The following SPRR2G variants were observed in gnomAD, a reference collection of about 807,000 sequenced individuals.
SPRR2G encodes the protein small proline-rich protein 2G.
Under a neutral mutation model 0.7 loss-of-function variants are expected in SPRR2G, and 1 was observed. The ratio of observed to expected loss-of-function variants is 1.49; its 90% CI spans 0.53 to 7.06. The LOEUF (loss-of-function observed/expected upper bound fraction) is 7.06, where lower values mean the gene tolerates loss of function less well. Ranked by LOEUF, SPRR2G falls within the 30% of genes most tolerant of loss-of-function variation. SPRR2G has a pLI of 0.14. For synonymous variants in SPRR2G, 38 were observed against 33.9 expected (o/e 1.12, Z -0.42); for missense variants, 96 against 88.5 (o/e 1.09, Z -0.34).
the SPRR2G span, among the ~76,000 whole-genome samples, chr1:153,175,660 T>C: frequency 6.6e-6 from 1 of 152,350 alleles, no homozygotes; most frequent in East Asian, 1.9e-4. Context: ...ACCATTATAC[T>C]TAAGTAATTA....
At chr1:153,185,410 T>C in the SPRR2G span, among the ~76,000 whole-genome samples, 1 of 151,788 alleles carries the variant, frequency 6.6e-6, no homozygotes, top group Non-Finnish European at 1.5e-5. Flanking sequence ...ATTGGTCTAC[T>C]CAGGGATTCG....
the SPRR2G span, among the ~76,000 whole-genome samples, chr1:153,201,916 C>T: frequency 1.3e-5 from 2 of 152,202 alleles, no homozygotes; most frequent in African/African-American, 4.8e-5. Context: ...AGACTTAAAC[C>T]CATATTCTTT....
chr1:153,157,126 T>C, the SPRR2G span, among the ~76,000 whole-genome samples: 1 of 152,208 alleles, frequency 6.6e-6, no homozygotes, highest in African/African-American at 2.4e-5. Flanking sequence ...AAAAATATTG[T>C]AAGGAAAACT....
the SPRR2G span, among the ~76,000 whole-genome samples, chr1:153,164,328 G>T: frequency 2.0e-5 from 3 of 152,166 alleles, no homozygotes; most frequent in Non-Finnish European, 4.4e-5. Flanking sequence ...TACAAGAAAG[G>T]TGAAAAGTGG....
chr1:153,177,907 A>C, the SPRR2G span, among the ~76,000 whole-genome samples: 1 of 151,610 alleles, frequency 6.6e-6, no homozygotes, highest in African/African-American at 2.4e-5. Context: ...TAGGATTGCA[A>C]GGAATAAATA....
chr1:153,196,557 G>C, the SPRR2G span, among the ~76,000 whole-genome samples: 15 of 152,092 alleles, frequency 9.9e-5, no homozygotes, highest in East Asian at 7.7e-4. Context: ...TGCCTCCTGT[G>C]GCAAAAGAAG....
the SPRR2G span, among the ~76,000 whole-genome samples, chr1:153,166,101 T>G: frequency 6.6e-6 from 1 of 152,202 alleles, no homozygotes; most frequent in Non-Finnish European, 1.5e-5. Flanking sequence ...GTGCCTCACA[T>G]GACACAATTC....
chr1:153,158,256 T>A, the SPRR2G span, among the ~76,000 whole-genome samples: 1 of 152,130 alleles, frequency 6.6e-6, no homozygotes, highest in Non-Finnish European at 1.5e-5. Context: ...CAAAAACAAG[T>A]TAGTTGCTTC....
the SPRR2G span, among the ~76,000 whole-genome samples, chr1:153,201,073 G>A: frequency 2.6e-5 from 4 of 152,128 alleles, no homozygotes; most frequent in Non-Finnish European, 5.9e-5. Flanking sequence ...GGCAAGCCGG[G>A]CTTTGACATT....
chr1:153,160,841 CA>C, the SPRR2G span, among the ~76,000 whole-genome samples: 4 of 151,036 alleles, frequency 2.6e-5, no homozygotes, highest in East Asian at 7.7e-4. Context: ...GGAACCAACC[CA>C]AATGTCCAAC....
At chr1:153,181,306 G>C in the SPRR2G span, among the ~76,000 whole-genome samples, 2 of 151,766 alleles carry the variant, frequency 1.3e-5, no homozygotes, top group Non-Finnish European at 2.9e-5. Context: ...CATATTTATG[G>C]GGTACATGTG....
the SPRR2G span, among the ~76,000 whole-genome samples, chr1:153,169,961 A>C: frequency 6.6e-6 from 1 of 152,224 alleles, no homozygotes; most frequent in Non-Finnish European, 1.5e-5. Context: ...TCTCCTTTCC[A>C]AATATATGAA....
At chr1:153,195,597 C>A in the SPRR2G span, among the ~76,000 whole-genome samples, 1 of 152,102 alleles carries the variant, frequency 6.6e-6, no homozygotes, top group Non-Finnish European at 1.5e-5. Context: ...CAAGGATGAT[C>A]GAAATTCTAA....
chr1:153,164,624 A>G, the SPRR2G span, among the ~76,000 whole-genome samples: 4,026 of 152,116 alleles, frequency 0.026, 169 homozygotes, highest in African/African-American at 0.091. Context: ...TATATAACCT[A>G]TATACATCCT....
At chr1:153,170,586 AAG>A in the SPRR2G span, among the ~76,000 whole-genome samples, 3 of 152,190 alleles carry the variant, frequency 2.0e-5, no homozygotes, top group African/African-American at 4.8e-5. Flanking sequence ...GCAAGAGGAC[AAG>A]AGAGAGGAAA....
chr1:153,165,141 G>A, the SPRR2G span, among the ~76,000 whole-genome samples: 1 of 151,626 alleles, frequency 6.6e-6, no homozygotes, highest in South Asian at 2.1e-4. Flanking sequence ...TTTCAGGATG[G>A]GATTTAGAAA....
the SPRR2G span, among the ~76,000 whole-genome samples, chr1:153,165,599 C>T: frequency 6.6e-6 from 1 of 152,162 alleles, no homozygotes; most frequent in African/African-American, 2.4e-5. Flanking sequence ...ATGTTATCTC[C>T]TCTCCCAGAA....
At chr1:153,194,474 C>A in the SPRR2G span, among the ~76,000 whole-genome samples, 1 of 152,170 alleles carries the variant, frequency 6.6e-6, no homozygotes, top group Admixed American at 6.5e-5. Context: ...GTGTTAGCAA[C>A]TTCTTCCTTA....
At chr1:153,193,319 T>C in the SPRR2G span, among the ~76,000 whole-genome samples, 2 of 152,178 alleles carry the variant, frequency 1.3e-5, no homozygotes, top group African/African-American at 4.8e-5. Flanking sequence ...TTCAGCCATA[T>C]TTCCCCACAC....
Sources: allele counts gnomAD v4.1 joint callset (sites outside exome capture counted in the v4.1 genomes callset), GRCh38; gene constraint gnomAD v4.1.1; transcripts MANE v1.5; gene names NCBI Gene and HGNC (gene_info 2026-07-23, HGNC 2026-07-21).